REPS1: variants seen among roughly 807,000 people sequenced by gnomAD.
The protein encoded by REPS1 is ralBP1-associated Eps domain-containing protein 1.
In REPS1, 39 loss-of-function variants were observed where a neutral mutation model predicts 100.9. The observed-to-expected ratio is 0.39, with a 90% CI of 0.30 to 0.50. The LOEUF (loss-of-function observed/expected upper bound fraction) is 0.50. Among genes scored for constraint, REPS1 ranks in the 20% least tolerant of loss-of-function variants. The pLI is 0.86. For missense variants in REPS1, 821 were observed against 968.5 expected (o/e 0.85, Z 2.02); for synonymous variants, 324 against 340.3 (o/e 0.95, Z 0.53).
At chr6:138,981,701 A>T (rs1030201545) in intron 1 of REPS1, among the ~76,000 whole-genome samples, 2 of 152,234 alleles carry the variant, frequency 1.3e-5, no homozygotes, top group African/African-American at 4.8e-5. Context: ...CATTTGAGTC[A>T]GAAATCATGA....
At position 138,941,371 on chromosome 6, in the gene REPS1, A is replaced by G; in HGVS notation, c.1099T>C (p.Leu367=). 2 of 1,614,088 alleles carry G rather than the reference A, an allele frequency of 1.2e-6. No homozygotes were observed. Among genetic ancestry groups the G allele is most frequent in the Non-Finnish European group, 1.7e-6 (2 of 1,179,992 alleles). ...TCCAAATCAATCAGTTTGGGCATTA[A>G]GCTTTCAGGAAGTTTTTCTGGTAAA... ...YDLPEKLPES[L]MPKLIDLEDS... The change falls in exon 8 of 20, where the codon TTA becomes CTA. Residue 367 remains leucine, a synonymous_variant. Transcript: ENST00000450536.
At chr6:138,969,920 C>A (rs1440717485) in intron 1 of REPS1, among the ~76,000 whole-genome samples, 1 of 121,970 alleles carries the variant, frequency 8.2e-6, no homozygotes, top group African/African-American at 3.2e-5. Context: ...AAAGAATGGG[C>A]AGTTTTTTGG....
chr6:138,921,238 T>C (rs1215865144), intron 10 of REPS1, 114 bp from the exon 11 acceptor site: 7 of 642,064 alleles, frequency 1.1e-5, no homozygotes, highest in Non-Finnish European at 1.3e-5. Flanking sequence ...CCATTTACAC[T>C]AAGGCAGGCA....
intron 17 of REPS1, chr6:138,910,946 TAAC>T (rs1779965194): frequency 5.8e-6 from 1 of 172,014 alleles, no homozygotes; most frequent in Non-Finnish European, 1.2e-5. Flanking sequence ...CAGGGAATAA[TAAC>T]AACCTTAGAG....
At chr6:138,922,844 A>G (rs1168323172) in intron 10 of REPS1, among the ~76,000 whole-genome samples, 1 of 152,252 alleles carries the variant, frequency 6.6e-6, no homozygotes, top group Non-Finnish European at 1.5e-5. Context: ...TTGGTGAGAC[A>G]GTACTGTGCT....
At chr6:138,979,180 C>CAAAAAAAAAAAAAAA (rs568626153) in intron 1 of REPS1, among the ~76,000 whole-genome samples, 24 of 59,274 alleles carry the variant, frequency 4.0e-4, no homozygotes, top group Non-Finnish European at 4.1e-4. Context: ...GAATCCATCA[C>CAAAAAAAAAAAAAAA]AAAAAAAAAA....
At chr6:138,928,927 A>T (rs1019751352) in intron 9 of REPS1, 23 of 152,182 alleles carry the variant, frequency 1.5e-4, no homozygotes, top group African/African-American at 5.5e-4. Flanking sequence ...TGATGTTATA[A>T]TGTCTCAGAC....
intron 2 of REPS1, 123 bp downstream of exon 2, chr6:138,947,667 G>A (rs970348253): frequency 7.2e-6 from 6 of 832,166 alleles, no homozygotes; most frequent in Middle Eastern, 3.0e-4. Flanking sequence ...ATAAAGTCAC[G>A]ACACTTCACT....
intron 1 of REPS1, among the ~76,000 whole-genome samples, chr6:138,970,658 C>T (rs574192578): frequency 6.6e-6 from 1 of 152,090 alleles, no homozygotes; most frequent in African/African-American, 2.4e-5. Flanking sequence ...GTGGTGCACA[C>T]CTGTAGTCCC....
chr6:138,937,630 AAGG>A (rs1456399179), intron 8 of REPS1, among the ~76,000 whole-genome samples: 1 of 152,200 alleles, frequency 6.6e-6, no homozygotes, highest in African/African-American at 2.4e-5. Flanking sequence ...GATCATGCAG[AAGG>A]AGATGGAGAC....
chr6:138,959,152 T>C lies in REPS1; in HGVS notation c.154-11239A>G, dbSNP rs147140397. 2.6e-3 allele frequency among the ~76,000 whole-genome samples: 401 copies of C among 152,310 alleles called. 3 individuals are homozygous for C. The highest frequency in any genetic ancestry group is 0.014 in the South Asian group (69 of 4,824). The stretch of plus-strand genomic sequence containing the variant: ...AGTACCCCCAAGAAGTCCTGAAGCA[T>C]GTTTTGATTTTCCACATTGCTTAGC... On this transcript the variant is annotated intron_variant, in intron 1 of 19. Transcript: ENST00000450536.
chr6:138,905,247 A>C, intron 19 of REPS1, 115 bp from the exon 20 acceptor site: 1 of 641,378 alleles, frequency 1.6e-6, no homozygotes, highest in Non-Finnish European at 2.8e-6. Flanking sequence ...ACTAAGGGAG[A>C]GCTTATTCAT....
chr6:138,949,944 G>GT (rs1028132877), intron 1 of REPS1, among the ~76,000 whole-genome samples: 5 of 152,042 alleles, frequency 3.3e-5, no homozygotes, highest in Non-Finnish European at 5.9e-5. Flanking sequence ...TTGTTTTCTA[G>GT]TTTATCTGTT....
intron 8 of REPS1, among the ~76,000 whole-genome samples, chr6:138,935,408 A>G (rs1431901352): frequency 6.6e-6 from 1 of 152,194 alleles, no homozygotes; most frequent in African/African-American, 2.4e-5. Flanking sequence ...GGAGGTTCCT[A>G]TTATCCAAAG....
intron 12 of REPS1, 77 bp downstream of exon 12, chr6:138,920,138 G>A (rs1780654302): frequency 2.5e-6 from 2 of 786,344 alleles, no homozygotes; most frequent in South Asian, 1.5e-5. Flanking sequence ...GGTATTAAAT[G>A]CATACACATC....
At chr6:138,930,722 C>CA (rs574834598) in intron 8 of REPS1, among the ~76,000 whole-genome samples, 16 of 151,598 alleles carry the variant, frequency 1.1e-4, no homozygotes, top group Admixed American at 3.3e-4. Context: ...CCCTTGTTAA[C>CA]AAAAAAACAG....
At chr6:138,955,456 A>AGTGTGTGTGTG (rs1562552291) in intron 1 of REPS1, among the ~76,000 whole-genome samples, 1 of 46,858 alleles carries the variant, frequency 2.1e-5, no homozygotes, top group African/African-American at 1.4e-4. Flanking sequence ...AAAAAAAAAA[A>AGTGTGTGTGTG]AGTGTGTGTG....
chr6:138,975,054 C>G (rs1784523350), intron 1 of REPS1, among the ~76,000 whole-genome samples: 1 of 151,890 alleles, frequency 6.6e-6, no homozygotes, highest in African/African-American at 2.4e-5. Flanking sequence ...CATTCAGGAA[C>G]CACCACCAAG....
intron 1 of REPS1, among the ~76,000 whole-genome samples, chr6:138,983,353 G>T (rs1785062285): frequency 6.6e-6 from 1 of 152,170 alleles, no homozygotes; most frequent in Non-Finnish European, 1.5e-5. Context: ...TACCCAGGAG[G>T]CTGAGGCAGA....
Sources: allele counts gnomAD v4.1 joint callset (sites outside exome capture counted in the v4.1 genomes callset), GRCh38; gene constraint gnomAD v4.1.1; transcripts MANE v1.5; gene names NCBI Gene and HGNC (gene_info 2026-07-23, HGNC 2026-07-21).